MERTK: variants seen among roughly 807,000 people sequenced by gnomAD.
MERTK encodes the protein tyrosine-protein kinase Mer.
MERTK carries 69 observed loss-of-function variants against 99.3 expected under a neutral mutation model. That is an observed-to-expected ratio of 0.70 (90% CI 0.57 to 0.85). The LOEUF (loss-of-function observed/expected upper bound fraction) is 0.85. Ranked by LOEUF, MERTK falls within the 40% of genes least tolerant of loss-of-function variation. The pLI is 0.00. For synonymous variants in MERTK, 426 were observed against 467.6 expected, an observed-to-expected ratio of 0.91 and a Z score of 1.15; for missense variants, 1,125 against 1,249.4, an observed-to-expected ratio of 0.90 and a Z score of 1.50.
At chr2:111,937,055 A>G (rs886143391) in intron 2 of MERTK, among the ~76,000 whole-genome samples, 2 of 152,114 alleles carry the variant, frequency 1.3e-5, no homozygotes, top group African/African-American at 4.8e-5. Context: ...TTTTCTGTTT[A>G]GTCTAGGGAT....
At chr2:111,919,435 C>G (rs1684413724) in intron 1 of MERTK, among the ~76,000 whole-genome samples, 1 of 152,104 alleles carries the variant, frequency 6.6e-6, no homozygotes, top group Non-Finnish European at 1.5e-5. Context: ...GCATCAGAAG[C>G]TTAAAAACAT....
At chr2:112,004,766 C>T (rs1256489343) in intron 13 of MERTK, among the ~76,000 whole-genome samples, 3 of 151,968 alleles carry the variant, frequency 2.0e-5, no homozygotes, top group Non-Finnish European at 2.9e-5. Flanking sequence ...AAAAATTAGC[C>T]GGGCGTGGTG....
At chr2:112,015,253 T>C (rs1677194595) in intron 15 of MERTK, among the ~76,000 whole-genome samples, 1 of 152,218 alleles carries the variant, frequency 6.6e-6, no homozygotes, top group South Asian at 2.1e-4. Context: ...AGAACTGTTT[T>C]CCAGAGAGGC....
chr2:111,911,475 G>A (rs1380137217), intron 1 of MERTK, among the ~76,000 whole-genome samples: 16 of 150,872 alleles, frequency 1.1e-4, no homozygotes, highest in Non-Finnish European at 2.4e-4. Context: ...TGCAACCTCC[G>A]CCTCCTGGGT....
chr2:111,904,021 G>A (rs1010423660), intron 1 of MERTK, among the ~76,000 whole-genome samples: 6 of 152,084 alleles, frequency 3.9e-5, no homozygotes, highest in African/African-American at 1.2e-4. Context: ...GGGGCCCTCC[G>A]GTGTCGCCCT....
intron 4 of MERTK, among the ~76,000 whole-genome samples, chr2:111,950,659 T>C (rs1272774633): frequency 6.6e-6 from 1 of 152,218 alleles, no homozygotes; most frequent in Admixed American, 6.5e-5. Context: ...GATGTCTAAT[T>C]TTAGACAAGA....
chr2:112,003,303 A>G (rs1676907726), intron 12 of MERTK, 116 bp downstream of exon 12: 3 of 613,818 alleles, frequency 4.9e-6, no homozygotes, highest in South Asian at 3.6e-5. Flanking sequence ...GAGTTATACT[A>G]TGGATAGTTA....
intron 1 of MERTK, among the ~76,000 whole-genome samples, chr2:111,909,345 C>T (rs55708724): frequency 6.6e-6 from 1 of 151,914 alleles, no homozygotes; most frequent in East Asian, 1.9e-4. Context: ...TTTGCCCAGG[C>T]CTTTCCTGGG....
chr2:111,926,462 C>T (rs181703634), intron 1 of MERTK, among the ~76,000 whole-genome samples: 86 of 152,222 alleles, frequency 5.6e-4, no homozygotes, highest in African/African-American at 2.0e-3. Context: ...AGTGTGGTGG[C>T]TCACGCCTGT....
intron 2 of MERTK, among the ~76,000 whole-genome samples, chr2:111,933,818 C>T (rs1307602242): frequency 6.6e-6 from 1 of 151,736 alleles, no homozygotes; most frequent in African/African-American, 2.4e-5. Context: ...TTTGCTACAC[C>T]CATCAACCCA....
intron 1 of MERTK, among the ~76,000 whole-genome samples, chr2:111,920,587 T>C (rs1014028205): frequency 6.6e-6 from 1 of 151,572 alleles, no homozygotes; most frequent in Non-Finnish European, 1.5e-5. Flanking sequence ...TTTCTTCTAA[T>C]GAAGTGTTGC....
intron 1 of MERTK, among the ~76,000 whole-genome samples, chr2:111,905,685 T>C (rs754573324): frequency 6.6e-6 from 1 of 152,080 alleles, no homozygotes; most frequent in Non-Finnish European, 1.5e-5. Context: ...GCCTGGCTGG[T>C]CTCGAACTCC....
intron 6 of MERTK, among the ~76,000 whole-genome samples, chr2:111,968,573 G>A (rs1319272671): frequency 6.6e-6 from 1 of 151,316 alleles, no homozygotes; most frequent in Non-Finnish European, 1.5e-5. Context: ...CAGGCTGGAT[G>A]CCCAGGCTGG....
At chr2:112,019,206 G>T in intron 15 of MERTK, 2 of 685,936 alleles carry the variant, frequency 2.9e-6, no homozygotes, top group Admixed American at 4.1e-5. Flanking sequence ...AAGAGAATAT[G>T]ATGTTTGCCA....
At chr2:112,004,218 A>G (rs1444795210) in intron 13 of MERTK, among the ~76,000 whole-genome samples, 2 of 152,148 alleles carry the variant, frequency 1.3e-5, no homozygotes, top group African/African-American at 2.4e-5. Context: ...GCCTATGCAT[A>G]CATACTGTCT....
At chr2:111,956,261 G>A (rs1234358733) in intron 4 of MERTK, among the ~76,000 whole-genome samples, 1 of 152,072 alleles carries the variant, frequency 6.6e-6, no homozygotes, top group Non-Finnish European at 1.5e-5. Flanking sequence ...ACATTTATGA[G>A]GTTTCAGTGA....
In MERTK at chr2:111,997,434, T is replaced by C. The variant is rs1185246535; in HGVS notation, c.1562T>C (p.Ile521Thr). ...GFILIGLILY[I>T]SLAIRKRVQE... Reference sequence around the variant, plus strand: ...ATTTTGATTGGGTTGATTTTATACATCTCCTTGGCCATCAGAAAAAGAGTC... The same window carrying C: ...ATTTTGATTGGGTTGATTTTATACACCTCCTTGGCCATCAGAAAAAGAGTC... The change falls in exon 10 of 19, where the codon ATC becomes ACC. Residue 521 changes from isoleucine (I) to threonine (T), a missense_variant. By Grantham distance (89) the Ile-to-Thr change is moderately conservative (BLOSUM62 -1). Transcript: ENST00000295408. The C allele has an allele frequency of 6.2e-7, 1 of 1,614,098 alleles. No homozygotes were observed. The highest frequency in any genetic ancestry group is 8.5e-7 in the Non-Finnish European group (1 of 1,180,004).
chr2:112,018,815 C>T (rs765258522), intron 15 of MERTK, among the ~76,000 whole-genome samples: 9 of 152,296 alleles, frequency 5.9e-5, no homozygotes, highest in East Asian at 3.9e-4. Context: ...GCAGGGCCTA[C>T]GGGAGCAAAA....
intron 18 of MERTK, among the ~76,000 whole-genome samples, chr2:112,025,670 T>A (rs1315805609): frequency 6.6e-6 from 1 of 152,136 alleles, no homozygotes; most frequent in Non-Finnish European, 1.5e-5. Context: ...GGGCATCATT[T>A]CCCTGTGCAG....
Sources: gnomAD v4.1 joint callset for allele counts (sites outside exome capture counted in the v4.1 genomes callset) on GRCh38, gnomAD v4.1.1 for gene constraint, MANE v1.5 for transcripts, NCBI Gene and HGNC (gene_info 2026-07-23, HGNC 2026-07-21) for gene names.